COMMD10: variants seen among roughly 807,000 people sequenced by gnomAD.
COMMD10 encodes the protein COMM domain-containing protein 10.
In COMMD10, 33 loss-of-function variants were observed where a neutral mutation model predicts 28.9. The observed-to-expected ratio is 1.14, with a 90% confidence interval of 0.87 to 1.53. The LOEUF (loss-of-function observed/expected upper bound fraction) is 1.53. COMMD10 is among the 40% of genes most tolerant of loss of function. COMMD10 has a pLI of 0.00. For missense variants in COMMD10, 310 were observed against 233.4 expected (o/e 1.33, Z -2.14); for synonymous variants, 110 against 81.7 (o/e 1.35, Z -1.87).
intron 5 of COMMD10, among the ~76,000 whole-genome samples, chr5:116,209,935 A>C (rs1344750147): frequency 1.3e-5 from 2 of 152,138 alleles, no homozygotes; most frequent in Admixed American, 1.3e-4. Flanking sequence ...AAGAATAGAG[A>C]TTTATTTGAC....
chr5:116,284,823 A>G (rs1422229941), intron 5 of COMMD10, among the ~76,000 whole-genome samples: 1 of 151,944 alleles, frequency 6.6e-6, no homozygotes, highest in Non-Finnish European at 1.5e-5. Flanking sequence ...ATTAAGGACG[A>G]AATATGTAGA....
At chr5:116,218,007 C>A (rs1477210139) in intron 5 of COMMD10, 2 of 998,506 alleles carry the variant, frequency 2.0e-6, no homozygotes, top group East Asian at 4.8e-5. Flanking sequence ...ACACAGTTAT[C>A]AAAAATGCAC....
intron 5 of COMMD10, chr5:116,188,560 TTC>T (rs935032174): frequency 1.3e-5 from 2 of 152,042 alleles, no homozygotes; most frequent in African/African-American, 4.8e-5. Context: ...CACATGGTTT[TTC>T]TCTTTCTTTC....
chr5:116,171,396 C>A (rs750268972), intron 5 of COMMD10, among the ~76,000 whole-genome samples: 4 of 152,124 alleles, frequency 2.6e-5, no homozygotes, highest in Admixed American at 2.0e-4. Context: ...TAAATTAGTT[C>A]AACCATTGTG....
At chr5:116,115,263 T>C (rs192168345) in intron 4 of COMMD10, among the ~76,000 whole-genome samples, 1 of 152,260 alleles carries the variant, frequency 6.6e-6, no homozygotes, top group East Asian at 1.9e-4. Context: ...GATTATACAA[T>C]TGATTCTCCA....
intron 5 of COMMD10, among the ~76,000 whole-genome samples, chr5:116,201,946 T>C (rs893371281): frequency 6.6e-6 from 1 of 151,972 alleles, no homozygotes; most frequent in Non-Finnish European, 1.5e-5. Flanking sequence ...TGCAGGTTAG[T>C]TACATATGTA....
chr5:116,097,865 C>G (rs1276835209), intron 4 of COMMD10, among the ~76,000 whole-genome samples: 1 of 152,042 alleles, frequency 6.6e-6, no homozygotes, highest in East Asian at 1.9e-4. Context: ...CTTGCGAGAA[C>G]TCAACTATCA....
At chr5:116,190,993 ACCCT>A (rs1748352344) in intron 5 of COMMD10, among the ~76,000 whole-genome samples, 1 of 152,160 alleles carries the variant, frequency 6.6e-6, no homozygotes, top group African/African-American at 2.4e-5. Flanking sequence ...TACATTTTAC[ACCCT>A]GTTGCCTTAC....
chr5:116,107,538 A>G (rs1405846919), intron 4 of COMMD10, among the ~76,000 whole-genome samples: 1 of 150,990 alleles, frequency 6.6e-6, no homozygotes, highest in Non-Finnish European at 1.5e-5. Context: ...GAGGTCATTT[A>G]TGTTCTTCTC....
At chr5:116,155,862 T>G (rs1752688212) in intron 5 of COMMD10, among the ~76,000 whole-genome samples, 1 of 152,140 alleles carries the variant, frequency 6.6e-6, no homozygotes, top group Admixed American at 6.5e-5. Context: ...TTTCCTCATT[T>G]AGAACCATTA....
intron 4 of COMMD10, among the ~76,000 whole-genome samples, chr5:116,130,377 C>T (rs904678560): frequency 6.6e-6 from 1 of 151,854 alleles, no homozygotes; most frequent in Non-Finnish European, 1.5e-5. Flanking sequence ...CAAGTAGTGA[C>T]ACAGTTCACT....
chr5:116,175,354 T>A (rs1437965884), intron 5 of COMMD10, among the ~76,000 whole-genome samples: 1 of 152,126 alleles, frequency 6.6e-6, no homozygotes, highest in Non-Finnish European at 1.5e-5. Flanking sequence ...GTAGATGTCC[T>A]TATGTCACAT....
At chr5:116,201,811 C>A (rs1748674571) in intron 5 of COMMD10, among the ~76,000 whole-genome samples, 1 of 152,126 alleles carries the variant, frequency 6.6e-6, no homozygotes, top group African/African-American at 2.4e-5. Flanking sequence ...TCCAAAGTTA[C>A]ACACCCTGCA....
chr5:116,265,944 AAAAC>A (rs1405056515), intron 5 of COMMD10, among the ~76,000 whole-genome samples: 4 of 151,940 alleles, frequency 2.6e-5, no homozygotes, highest in African/African-American at 9.7e-5. Flanking sequence ...TTCAGAGAAA[AAAAC>A]AAAAAGAAAA....
chr5:116,147,314 A>G (rs1415502968), intron 5 of COMMD10, among the ~76,000 whole-genome samples: 1 of 151,874 alleles, frequency 6.6e-6, no homozygotes, highest in Admixed American at 6.6e-5. Context: ...GGGGTTGATG[A>G]AGCAGTATTA....
rs1365376880 is a variant in COMMD10, at chr5:116,292,736, C to G, written c.*247C>G. 2.4e-6 allele frequency: 1 copy of G among 417,262 alleles called. No individual in the cohort carries two copies. Among genetic ancestry groups the G allele is most frequent in the Admixed American group, 4.3e-5 (1 of 23,432 alleles). 25.8% of individuals were successfully genotyped at this position (417,262 alleles called of 1,614,324 possible). A position where few individuals can be genotyped will look rare whatever the true frequency, so the allele number is the denominator to read the frequency against. ...AAGAACACTTTCCCTTTAAAGGAAA[C>G]AAAAGTGAATACCATATTGTTTTTA... On this transcript the variant is annotated 3_prime_UTR_variant, in exon 7 of 7. Coordinates refer to ENST00000274458, the MANE Select transcript of COMMD10 (RefSeq NM_016144.4).
intron 5 of COMMD10, among the ~76,000 whole-genome samples, chr5:116,225,746 C>A (rs940266737): frequency 1.3e-5 from 2 of 152,028 alleles, no homozygotes; most frequent in African/African-American, 4.8e-5. Context: ...TTCTACCACT[C>A]AAGCTGTAAA....
intron 5 of COMMD10, among the ~76,000 whole-genome samples, chr5:116,148,433 C>T (rs1019901233): frequency 3.3e-5 from 5 of 151,802 alleles, no homozygotes; most frequent in Admixed American, 2.0e-4. Flanking sequence ...CTACCCTATC[C>T]ATTATAAAGG....
At chr5:116,255,425 A>T (rs889917526) in intron 5 of COMMD10, among the ~76,000 whole-genome samples, 1 of 151,702 alleles carries the variant, frequency 6.6e-6, no homozygotes, top group Non-Finnish European at 1.5e-5. Context: ...ATGATTTTGC[A>T]GCGGCTGGTA....
Sources: allele counts gnomAD v4.1 joint callset (sites outside exome capture counted in the v4.1 genomes callset), GRCh38; gene constraint gnomAD v4.1.1; transcripts MANE v1.5; gene names NCBI Gene and HGNC (gene_info 2026-07-23, HGNC 2026-07-21).